PTPRG: variants seen among roughly 807,000 people sequenced by gnomAD.
PTPRG encodes the protein protein tyrosine phosphatase receptor type G, also known as receptor-type tyrosine-protein phosphatase gamma.
In PTPRG, 102 loss-of-function variants were observed where a neutral mutation model predicts 165.3. The ratio of observed to expected loss-of-function variants is 0.62; its 90% CI spans 0.53 to 0.73. PTPRG has a LOEUF of 0.73. Among genes scored for constraint, PTPRG ranks in the 30% least tolerant of loss-of-function variants. The pLI, the probability that PTPRG is intolerant of heterozygous loss-of-function variation, is 0.00. For synonymous variants in PTPRG, 675 were observed against 669.5 expected (o/e 1.01, Z -0.13); for missense variants, 1,866 against 1,861.4 (o/e 1.00, Z -0.05).
chr3:61,743,684 G>A (rs1232929738), intron 1 of PTPRG, among the ~76,000 whole-genome samples: 1 of 152,114 alleles, frequency 6.6e-6, no homozygotes, highest in Admixed American at 6.5e-5. Context: ...ACTGAAAAAC[G>A]ACTTCCCCTC....
At chr3:61,973,908 T>C (rs4141291) in intron 2 of PTPRG, among the ~76,000 whole-genome samples, 82,498 of 151,758 alleles carry the variant, frequency 0.54, 23,233 homozygotes, top group African/African-American at 0.7. Flanking sequence ...CATGTAGGAG[T>C]CCACCACAAA....
At chr3:61,843,717 A>G (rs1199240843) in intron 2 of PTPRG, among the ~76,000 whole-genome samples, 2 of 152,008 alleles carry the variant, frequency 1.3e-5, no homozygotes, top group Non-Finnish European at 2.9e-5. Flanking sequence ...TTCCTTCTTT[A>G]CAACTCTGAA....
intron 2 of PTPRG, among the ~76,000 whole-genome samples, chr3:61,981,116 T>G (rs1277250229): frequency 4.6e-5 from 7 of 152,194 alleles, no homozygotes; most frequent in Admixed American, 3.9e-4. Flanking sequence ...ACCTCTTCAC[T>G]GGGTGGCAGG....
chr3:61,904,684 T>C (rs1292904291), intron 2 of PTPRG, among the ~76,000 whole-genome samples: 1 of 152,198 alleles, frequency 6.6e-6, no homozygotes, highest in East Asian at 1.9e-4. Flanking sequence ...ATGTAGTCTT[T>C]CTAAAATGCT....
intron 8 of PTPRG, among the ~76,000 whole-genome samples, chr3:62,173,008 C>T (rs2106749955): frequency 6.6e-6 from 1 of 152,272 alleles, no homozygotes; most frequent in African/African-American, 2.4e-5. Flanking sequence ...CTGTTGAATC[C>T]TGGGTACTTG....
chr3:62,281,843 A>G lies in PTPRG; in HGVS notation c.3912+134A>G, dbSNP rs73087841. On this transcript the variant is annotated intron_variant, in intron 27 of 29. Coordinates refer to ENST00000474889, the MANE Select transcript of PTPRG (RefSeq NM_002841.4). ...GTAAGACTTAATTTTAAATATGTAC[A>G]TTTTCCGTTTTTCTTCCTTCAAATA... is the stretch of plus-strand genomic sequence containing the variant. The G allele has an allele frequency of 5.1e-3, 4,468 of 878,502 alleles. 22 individuals carry two copies. Among genetic ancestry groups the G allele is most frequent in the Non-Finnish European group, 6.4e-3 (3,958 of 615,600 alleles). 54.4% of individuals were successfully genotyped at this position (878,502 alleles called of 1,614,324 possible). A position where few individuals can be genotyped will look rare whatever the true frequency, so the allele number is the denominator to read the frequency against.
chr3:61,608,184 TC>T (rs2106865381), intron 1 of PTPRG, among the ~76,000 whole-genome samples: 1 of 26,438 alleles, frequency 3.8e-5, no homozygotes, highest in Admixed American at 8.1e-4. Context: ...CTATCTTCCT[TC>T]TTCGTACAGA....
At chr3:62,260,934 CAG>C (rs978690207) in intron 16 of PTPRG, 3 of 152,204 alleles carry the variant, frequency 2.0e-5, no homozygotes, top group South Asian at 2.1e-4. Flanking sequence ...AAAAGTGAAA[CAG>C]AGGCAACAGA....
intron 28 of PTPRG, among the ~76,000 whole-genome samples, chr3:62,289,656 T>A (rs1702803010): frequency 6.8e-6 from 1 of 147,110 alleles, no homozygotes; most frequent in African/African-American, 2.5e-5. Flanking sequence ...CAAAAAAAAA[T>A]CGATATTGAA....
Position 62,255,442 on chromosome 3 carries a change from G to A in PTPRG, c.2559+227G>A, listed in dbSNP as rs904154249. Among the ~76,000 whole-genome samples, 8 of 151,744 alleles carry A rather than the reference G, an allele frequency of 5.3e-5. No homozygotes were observed. Among genetic ancestry groups the A allele is most frequent in the African/African-American group, 1.5e-4 (6 of 41,060 alleles). On this transcript the variant is annotated intron_variant, in intron 16 of 29. Transcript: ENST00000474889. This position sits in a 1 kb window ranked among gnomAD's most constrained non-coding sequence, Gnocchi z 4.0. Reference sequence around the variant, plus strand: ...GAATATGTATTTCTACAAAAGAACCGACTTAGTGATAGAAAAGAAGCAAAC... The same window carrying A: ...GAATATGTATTTCTACAAAAGAACCAACTTAGTGATAGAAAAGAAGCAAAC...
intron 3 of PTPRG, among the ~76,000 whole-genome samples, chr3:61,999,228 G>T (rs2107713922): frequency 6.6e-6 from 1 of 152,174 alleles, no homozygotes; most frequent in Non-Finnish European, 1.5e-5. Flanking sequence ...TGTACTTTTA[G>T]TAGAGACGTG....
At chr3:61,577,109 A>C (rs972769381) in intron 1 of PTPRG, among the ~76,000 whole-genome samples, 1 of 152,176 alleles carries the variant, frequency 6.6e-6, no homozygotes, top group Non-Finnish European at 1.5e-5. Flanking sequence ...TGTTCTGAAT[A>C]AGTTGATTGT....
chr3:62,132,033 G>A (rs1463101189), intron 5 of PTPRG, among the ~76,000 whole-genome samples: 2 of 152,074 alleles, frequency 1.3e-5, no homozygotes, highest in Non-Finnish European at 2.9e-5. Flanking sequence ...CTTTTGAGGG[G>A]GATTAAAAAC....
chr3:61,658,064 C>T (rs1702557522), intron 1 of PTPRG, among the ~76,000 whole-genome samples: 1 of 152,120 alleles, frequency 6.6e-6, no homozygotes, highest in African/African-American at 2.4e-5. Flanking sequence ...ATAAGAGCTC[C>T]AGGCCATGGG....
In PTPRG at chr3:62,233,902, T is replaced by A. The variant is rs1700963381; in HGVS notation, c.2375+2591T>A. Among the ~76,000 whole-genome samples the A allele has an allele frequency of 6.6e-6, 1 of 152,166 alleles. No individual in the cohort carries two copies. Among genetic ancestry groups the A allele is most frequent in the Non-Finnish European group, 1.5e-5 (1 of 68,044 alleles). ...TTGAGTAAGTAATACTTGACATGAT[T>A]CAAAATAAAAAAGTTTAAAATTATA... On this transcript the variant is annotated intron_variant, in intron 14 of 29. Transcript: ENST00000474889. This position sits in a 1 kb window ranked among gnomAD's most constrained non-coding sequence, Gnocchi z 4.7.
chr3:62,220,261 T>C (rs773073577), intron 13 of PTPRG, among the ~76,000 whole-genome samples: 1 of 152,228 alleles, frequency 6.6e-6, no homozygotes, highest in Non-Finnish European at 1.5e-5. Flanking sequence ...ATGCACTGCC[T>C]TTCACTCGAA....
chr3:61,980,975 A>G (rs574397806), intron 2 of PTPRG, among the ~76,000 whole-genome samples: 8 of 152,292 alleles, frequency 5.3e-5, no homozygotes, highest in South Asian at 2.1e-4. Context: ...GTCCCTCTGT[A>G]TTAGTCCGTT....
intron 1 of PTPRG, among the ~76,000 whole-genome samples, chr3:61,590,016 T>A (rs1700527534): frequency 6.6e-6 from 1 of 152,086 alleles, no homozygotes; most frequent in African/African-American, 2.4e-5. Flanking sequence ...GGTTTCAGAC[T>A]GATGCTTTCC....
intron 1 of PTPRG, among the ~76,000 whole-genome samples, chr3:61,653,084 A>T (rs1190543271): frequency 1.3e-5 from 2 of 151,838 alleles, no homozygotes; most frequent in African/African-American, 4.8e-5. Flanking sequence ...AATTTTTTTT[A>T]AAAGTACTTA....
Sources: gnomAD v4.1 joint callset for allele counts (sites outside exome capture counted in the v4.1 genomes callset) on GRCh38, gnomAD v4.1.1 for gene constraint, Gnocchi (gnomAD v3.1) non-coding constraint, MANE v1.5 for transcripts, NCBI Gene and HGNC (gene_info 2026-07-23, HGNC 2026-07-21) for gene names.